Variants in LRIG1 observed in about 807,000 individuals in gnomAD.
LRIG1 encodes leucine-rich repeats and immunoglobulin-like domains protein 1.
A neutral mutation model predicts 99.2 loss-of-function variants in LRIG1; 48 were observed. That is an observed-to-expected ratio of 0.48 (90% CI 0.38 to 0.62). The LOEUF is 0.62. LRIG1 is among the 20% of genes least tolerant of loss of function. The pLI, the probability that LRIG1 is intolerant of heterozygous loss-of-function variation, is 0.00. For synonymous variants in LRIG1, 772 were observed against 596.1 expected (o/e 1.29, Z -4.30); for missense variants, 1,646 against 1,434.4 (o/e 1.15, Z -2.38).
chr3:66,454,810 T>A (rs1015771460), intron 2 of LRIG1, among the ~76,000 whole-genome samples: 1 of 152,238 alleles, frequency 6.6e-6, no homozygotes, highest in South Asian at 2.1e-4. Flanking sequence ...AACTTCCATT[T>A]AATTGACTTA....
At chr3:66,473,761 G>C (rs903228457) in intron 1 of LRIG1, among the ~76,000 whole-genome samples, 2 of 152,196 alleles carry the variant, frequency 1.3e-5, no homozygotes, top group African/African-American at 4.8e-5. Flanking sequence ...GTATTTTAAA[G>C]AAAACACACA....
intron 1 of LRIG1, among the ~76,000 whole-genome samples, chr3:66,497,179 C>T (rs1250272036): frequency 6.6e-6 from 1 of 152,184 alleles, no homozygotes; most frequent in Admixed American, 6.5e-5. Flanking sequence ...TTTGTTCTTC[C>T]TCTAGGCCTG....
intron 3 of LRIG1, among the ~76,000 whole-genome samples, chr3:66,450,494 C>A (rs77962000): frequency 6.6e-6 from 1 of 152,310 alleles, no homozygotes; most frequent in African/African-American, 2.4e-5. Context: ...TAACCCCCCA[C>A]GCTCTCCTGC....
chr3:66,383,944 T>TCA, intron 14 of LRIG1, 47 bp downstream of exon 14: 1 of 1,028,418 alleles, frequency 9.7e-7, no homozygotes, highest in Non-Finnish European at 1.3e-6. Flanking sequence ...TCTCTCTCTC[T>TCA]CGCTCACACA....
intron 1 of LRIG1, among the ~76,000 whole-genome samples, chr3:66,496,208 G>A (rs917326148): frequency 6.6e-6 from 1 of 152,166 alleles, no homozygotes; most frequent in African/African-American, 2.4e-5. Context: ...TTTTAAAACA[G>A]TCCCTTGAAA....
At chr3:66,424,700 TA>T (rs1702922972) in intron 3 of LRIG1, among the ~76,000 whole-genome samples, 1 of 152,238 alleles carries the variant, frequency 6.6e-6, no homozygotes, top group South Asian at 2.1e-4. Flanking sequence ...TAGGTACTAT[TA>T]TCTTTATAGG....
intron 13 of LRIG1, 60 bp from the exon 14 acceptor site, chr3:66,384,332 T>C: frequency 6.5e-7 from 1 of 1,544,408 alleles, no homozygotes; most frequent in Non-Finnish European, 8.8e-7. Flanking sequence ...AACCAGGAAG[T>C]CCTCTGGCAA....
chr3:66,386,548 A>C (rs1575647813), intron 12 of LRIG1: 1 of 449,950 alleles, frequency 2.2e-6, no homozygotes. Context: ...AAATTAACCC[A>C]CCACTTCTCA....
intron 12 of LRIG1, chr3:66,387,973 G>T (rs1215580870): frequency 6.6e-6 from 1 of 151,094 alleles, no homozygotes. Context: ...CGGGTGTGGT[G>T]GCAGGTGCCT....
At chr3:66,422,926 G>T (rs975775767) in intron 3 of LRIG1, among the ~76,000 whole-genome samples, 3 of 152,228 alleles carry the variant, frequency 2.0e-5, no homozygotes, top group Non-Finnish European at 4.4e-5. Context: ...CAGGCAAAAA[G>T]AGAGTTTGTG....
chr3:66,409,932 AGGGGAGATGAGGAAGGGACT>A, intron 7 of LRIG1, 177 bp downstream of exon 7: 1 of 516,298 alleles, frequency 1.9e-6, no homozygotes, highest in Non-Finnish European at 3.4e-6. Context: ...GAGGAAGTGA[AGGGGAGATGAGGAAGGGACT>A]GGGGCTCAAA....
chr3:66,400,059 A>G (rs1702000278), intron 9 of LRIG1, among the ~76,000 whole-genome samples: 1 of 152,224 alleles, frequency 6.6e-6, no homozygotes, highest in Non-Finnish European at 1.5e-5. Flanking sequence ...CTCCAACGTT[A>G]TCGCTAGTGC....
intron 9 of LRIG1, chr3:66,404,374 C>T (rs1045615458): frequency 1.3e-4 from 169 of 1,273,190 alleles, no homozygotes; most frequent in Non-Finnish European, 1.7e-4. Flanking sequence ...TGCCCTCCTC[C>T]AGTCTTCCCT....
Position 66,459,014 on chromosome 3 carries a change from C to CAA in LRIG1, c.290+3422_290+3423dup, listed in dbSNP as rs11437217. On this transcript the variant is annotated intron_variant, in intron 2 of 18. Transcript: ENST00000273261. ...GGGAGATAAGAGCGAAACTCCATCT[C>CAA]AAAAAAAAAAAAAAAAGATAATGTT... 2.1e-3 allele frequency among the ~76,000 whole-genome samples: 256 copies of CAA among 121,746 alleles called. 2 individuals are homozygous for CAA. The highest frequency in any genetic ancestry group is 0.011 in the South Asian group (41 of 3,896). The allele number at this position is 121,746 out of a possible 152,430, so 79.9% of individuals were successfully genotyped here.
Position 66,415,029 on chromosome 3 carries a change from A to T in LRIG1, c.538T>A (p.Leu180Met), listed in dbSNP as rs200475648. ...LAGNRIGTLELGAFDGLSRSL... is the reference protein window; with the variant it reads ...LAGNRIGTLEMGAFDGLSRSL... ...CGTGACAGACCATCAAATGCTCCCA[A>T]CTCCAGGGTGCCAATCCGATTGCCT... Residue 180 changes from leucine (L) to methionine (M), a missense_variant, in exon 5 of 19, where the codon TTG (leucine) becomes ATG (methionine). Leu to Met is a conservative substitution (Grantham distance 15). Transcript: ENST00000273261. 2 of 1,608,758 alleles carry T rather than the reference A, an allele frequency of 1.2e-6. No homozygotes were observed. The highest frequency in any genetic ancestry group is 2.7e-5 in the African/African-American group (2 of 74,530).
intron 12 of LRIG1, chr3:66,387,621 ATTATT>A (rs1240842850): frequency 1.3e-5 from 2 of 152,148 alleles, no homozygotes; most frequent in Admixed American, 1.3e-4. Flanking sequence ...GAGTTGCCAC[ATTATT>A]TTATTTTAAA....
rs372884327 is a variant in LRIG1, at chr3:66,434,774, AC to A, written c.365+16784del. 2.5e-3 allele frequency among the ~76,000 whole-genome samples: 372 copies of A among 147,618 alleles called. 3 individuals carry two copies. Among genetic ancestry groups the A allele is most frequent in the Middle Eastern group, 0.018 (5 of 284 alleles). ...AAAAATTAAAAAAAAAAAAAAAAAA[AC>A]ACACCACCAAATGCTGGCCATAATG... On this transcript the variant is annotated intron_variant, in intron 3 of 18. Coordinates refer to ENST00000273261, the MANE Select transcript of LRIG1 (RefSeq NM_015541.3).
intron 1 of LRIG1, among the ~76,000 whole-genome samples, chr3:66,483,032 A>AG (rs1242371437): frequency 3.3e-5 from 5 of 152,222 alleles, no homozygotes; most frequent in Non-Finnish European, 7.3e-5. Context: ...CATAGTAACT[A>AG]GGCTAACAGA....
rs181384986 is a variant in LRIG1, at chr3:66,443,466, C to T, written c.365+8093G>A. 2.5e-3 allele frequency among the ~76,000 whole-genome samples: 380 copies of T among 152,270 alleles called. 1 individual carries two copies. Among genetic ancestry groups the T allele is most frequent in the African/African-American group, 8.6e-3 (356 of 41,540 alleles). On this transcript the variant is annotated intron_variant, in intron 3 of 18. Transcript: ENST00000273261. The stretch of plus-strand genomic sequence containing the variant: ...CCAAGTACCCACTGTGTTGGCTGAA[C>T]ATTTAGGGTGTTACTTACACCTGTA...
Sources: allele counts gnomAD v4.1 joint callset (sites outside exome capture counted in the v4.1 genomes callset), GRCh38; gene constraint gnomAD v4.1.1; transcripts MANE v1.5; gene names NCBI Gene and HGNC (gene_info 2026-07-23, HGNC 2026-07-21).